Variants in SEM1 observed in about 807,000 individuals in gnomAD.
SEM1 encodes the protein 26S proteasome complex subunit SEM1.
Under a neutral mutation model 12.7 loss-of-function variants are expected in SEM1, and 3 were observed. The ratio of observed to expected loss-of-function variants is 0.24; its 90% CI spans 0.11 to 0.61. SEM1 has a LOEUF of 0.61. Ranked by LOEUF, SEM1 falls within the 20% of genes least tolerant of loss-of-function variation. SEM1 has a pLI of 0.88. For missense variants in SEM1, 59 were observed against 81.3 expected (o/e 0.73, Z 1.06); for synonymous variants, 30 against 27.8 (o/e 1.08, Z -0.25).
At chr7:96,523,561 T>G (rs1178847301) in intron 2 of SEM1, among the ~76,000 whole-genome samples, 1 of 152,080 alleles carries the variant, frequency 6.6e-6, no homozygotes, top group Non-Finnish European at 1.5e-5. Flanking sequence ...ATCATCGTTC[T>G]CCTCTCTTTA....
chr7:96,647,778 T>C (rs977857515), intron 2 of SEM1, among the ~76,000 whole-genome samples: 6 of 152,196 alleles, frequency 3.9e-5, no homozygotes, highest in African/African-American at 1.4e-4. Flanking sequence ...GTGCAATCTG[T>C]GCAGAAACAG....
At chr7:96,613,117 T>C in intron 2 of SEM1, among the ~76,000 whole-genome samples, 1 of 152,252 alleles carries the variant, frequency 6.6e-6, no homozygotes, top group East Asian at 1.9e-4. Flanking sequence ...GTCTAGACTC[T>C]AGAGGAGACC....
At chr7:96,631,985 A>ACTGTGC (rs1808276229) in intron 2 of SEM1, among the ~76,000 whole-genome samples, 1 of 152,228 alleles carries the variant, frequency 6.6e-6, no homozygotes, top group East Asian at 1.9e-4. Flanking sequence ...ACAGAAATGC[A>ACTGTGC]AATCAAAACC....
intron 3 of SEM1, among the ~76,000 whole-genome samples, chr7:96,503,737 A>G (rs948769908): frequency 2.0e-5 from 3 of 152,152 alleles, no homozygotes; most frequent in African/African-American, 7.2e-5. Context: ...CTGAACAGAA[A>G]GTGCTGACTT....
chr7:96,557,889 C>A (rs139330025), intron 2 of SEM1, among the ~76,000 whole-genome samples: 1 of 152,172 alleles, frequency 6.6e-6, no homozygotes, highest in Admixed American at 6.5e-5. Flanking sequence ...GATATAATCT[C>A]GTGGTGAGCC....
At chr7:96,520,291 C>CT (rs1046343818) in intron 2 of SEM1, among the ~76,000 whole-genome samples, 1 of 152,104 alleles carries the variant, frequency 6.6e-6, no homozygotes, top group African/African-American at 2.4e-5. Flanking sequence ...TCTGTGATTT[C>CT]TGGCTACAAA....
At chr7:96,522,409 G>T (rs765377344) in intron 2 of SEM1, among the ~76,000 whole-genome samples, 2 of 152,000 alleles carry the variant, frequency 1.3e-5, no homozygotes, top group African/African-American at 4.8e-5. Flanking sequence ...AACAATGATT[G>T]CCCAAGTCAA....
chr7:96,526,690 A>G (rs1236133273), intron 2 of SEM1, among the ~76,000 whole-genome samples: 1 of 152,088 alleles, frequency 6.6e-6, no homozygotes, highest in Non-Finnish European at 1.5e-5. Flanking sequence ...GGCTGGTGCC[A>G]CAGTGATGAG....
intron 2 of SEM1, among the ~76,000 whole-genome samples, chr7:96,575,314 T>C (rs1235165293): frequency 6.6e-6 from 1 of 152,150 alleles, no homozygotes; most frequent in African/African-American, 2.4e-5. Flanking sequence ...ACAGCAAAGA[T>C]TGCTCCCTGT....
chr7:96,509,332 G>T (rs1803859709), intron 2 of SEM1, among the ~76,000 whole-genome samples: 1 of 151,806 alleles, frequency 6.6e-6, no homozygotes, highest in African/African-American at 2.4e-5. Flanking sequence ...ATTATCATCT[G>T]TGCTCAGGTA....
intron 1 of SEM1, among the ~76,000 whole-genome samples, chr7:96,490,980 A>C (rs11773399): frequency 0.13 from 19,106 of 152,154 alleles, 1,264 homozygotes; most frequent in South Asian, 0.18. Context: ...CAGCTCCAGC[A>C]CACAGGATCT....
chr7:96,644,407 T>C (rs972888532), intron 2 of SEM1, among the ~76,000 whole-genome samples: 29 of 152,152 alleles, frequency 1.9e-4, no homozygotes, highest in African/African-American at 7.0e-4. Context: ...TTTCCTGTCT[T>C]GCTATTTTTA....
At chr7:96,538,464 G>T (rs1804855359) in intron 2 of SEM1, among the ~76,000 whole-genome samples, 1 of 151,818 alleles carries the variant, frequency 6.6e-6, no homozygotes, top group South Asian at 2.1e-4. Context: ...GTTGGATTGT[G>T]TTTAAAATTT....
chr7:96,605,624 A>G (rs1432159376), intron 2 of SEM1, among the ~76,000 whole-genome samples: 1 of 152,106 alleles, frequency 6.6e-6, no homozygotes, highest in Non-Finnish European at 1.5e-5. Context: ...TCCTTTTACC[A>G]GTTGAATTGA....
intron 2 of SEM1, among the ~76,000 whole-genome samples, chr7:96,682,493 G>C (rs751676751): frequency 2.0e-5 from 3 of 151,964 alleles, no homozygotes; most frequent in Non-Finnish European, 4.4e-5. Context: ...TCCAGTTTTT[G>C]CCCATTCAGT....
intron 1 of SEM1, among the ~76,000 whole-genome samples, chr7:96,491,976 G>A (rs1401677219): frequency 6.6e-6 from 1 of 152,158 alleles, no homozygotes. Context: ...TTGAATTCAG[G>A]TGTACAGATT....
intron 2 of SEM1, among the ~76,000 whole-genome samples, chr7:96,564,409 G>A (rs1053420763): frequency 6.6e-6 from 1 of 151,756 alleles, no homozygotes; most frequent in African/African-American, 2.4e-5. Flanking sequence ...AGTTGGTGAT[G>A]CCATCCAAAA....
chr7:96,661,988 CA>C (rs890732912), intron 2 of SEM1, among the ~76,000 whole-genome samples: 3,306 of 35,972 alleles, frequency 0.092, 113 homozygotes, highest in African/African-American at 0.25. Flanking sequence ...AACTCCGTCT[CA>C]AAAAAAAAAA....
chr7:96,534,482 C>A (rs545434517), intron 2 of SEM1, among the ~76,000 whole-genome samples: 2 of 152,092 alleles, frequency 1.3e-5, no homozygotes, highest in South Asian at 4.1e-4. Context: ...AAGGTCCATT[C>A]GAAGTGCAAA....
Sources: allele counts gnomAD v4.1 joint callset (sites outside exome capture counted in the v4.1 genomes callset), GRCh38; gene constraint gnomAD v4.1.1; transcripts MANE v1.5; gene names NCBI Gene and HGNC (gene_info 2026-07-23, HGNC 2026-07-21).